Variants in KSR1 observed in about 807,000 individuals in gnomAD.
KSR1 encodes kinase suppressor of ras.
A neutral mutation model predicts 92.9 loss-of-function variants in KSR1; 35 were observed. That is an observed-to-expected ratio of 0.38 (90% CI 0.29 to 0.50). KSR1 has a LOEUF of 0.50. KSR1 is among the 20% of genes least tolerant of loss of function. KSR1 has a pLI of 0.94. For synonymous variants in KSR1, 467 were observed against 472.6 expected (o/e 0.99, Z 0.15); for missense variants, 972 against 1,158.5 (o/e 0.84, Z 2.34).
At chr17:27,615,372 T>A (rs559986923) in intron 18 of KSR1, among the ~76,000 whole-genome samples, 2 of 152,248 alleles carry the variant, frequency 1.3e-5, no homozygotes, top group African/African-American at 4.8e-5. Flanking sequence ...GATTACATTT[T>A]CTTTGTGGGT....
At chr17:27,503,401 A>G (rs2069260220) in intron 1 of KSR1, among the ~76,000 whole-genome samples, 1 of 152,182 alleles carries the variant, frequency 6.6e-6, no homozygotes, top group Admixed American at 6.5e-5. Context: ...TAATAGTGCA[A>G]GGTTGAGATT....
intron 1 of KSR1, chr17:27,527,091 TA>T: frequency 2.4e-6 from 1 of 414,176 alleles, no homozygotes; most frequent in Non-Finnish European, 4.7e-6. Context: ...ATTGATTGCT[TA>T]AGGGCAATAG....
intron 1 of KSR1, among the ~76,000 whole-genome samples, chr17:27,469,678 G>T (rs1485885172): frequency 6.6e-6 from 1 of 152,112 alleles, no homozygotes; most frequent in Non-Finnish European, 1.5e-5. Context: ...GTACTTAGAA[G>T]GAGTTCAGTG....
In KSR1 at chr17:27,577,313, C is replaced by G. The variant is rs2072547720; in HGVS notation, c.373-179C>G. 1 of 568,762 alleles carries G rather than the reference C, an allele frequency of 1.8e-6. No individual in the cohort carries two copies. Among genetic ancestry groups the G allele is most frequent in the Non-Finnish European group, 3.1e-6 (1 of 323,554 alleles). 35.2% of individuals were successfully genotyped at this position (568,762 alleles called of 1,614,324 possible). ...TGCTTCAGCTGCTGTCTCTGGGAGC[C>G]TGGAGGGTGGGGGCCAGGGAGCTCT... On this transcript the variant is annotated intron_variant, in intron 2 of 20. Coordinates refer to ENST00000644974, the MANE Select transcript of KSR1 (RefSeq NM_001394583.1). This position sits in a 1 kb window ranked among gnomAD's most constrained non-coding sequence, Gnocchi z 4.5.
chr17:27,560,660 G>A (rs2071792183), intron 2 of KSR1, among the ~76,000 whole-genome samples: 1 of 152,230 alleles, frequency 6.6e-6, no homozygotes, highest in Non-Finnish European at 1.5e-5. Context: ...GTATGAGGCA[G>A]TAGGATGTGT....
At position 27,597,363 on chromosome 17, in the gene KSR1, A is replaced by G. The variant is rs369264947; in HGVS notation, c.1395A>G (p.Ser465=). Residue 465 remains serine (S), a synonymous_variant, in exon 10 of 21, where the codon TCA becomes TCG. Coordinates refer to ENST00000644974, the MANE Select transcript of KSR1 (RefSeq NM_001394583.1). ...TPSSPAPFPT[S]SNPSSATTPP... Reference sequence around the variant, plus strand: ...CCTCACCGGCGCCCTTCCCGACATCATCCAACCCATCCAGCGCCACCACGC... The same window carrying G: ...CCTCACCGGCGCCCTTCCCGACATCGTCCAACCCATCCAGCGCCACCACGC... 6.2e-7 allele frequency: 1 copy of G among 1,613,688 alleles called. No homozygotes were observed. Among genetic ancestry groups the G allele is most frequent in the South Asian group, 1.1e-5 (1 of 91,050 alleles).
At chr17:27,560,542 G>A in intron 2 of KSR1, 1 of 514,674 alleles carries the variant, frequency 1.9e-6, no homozygotes, top group Admixed American at 2.0e-5. Context: ...TTAAGATGAG[G>A]CCTTCTCCCA....
At chr17:27,593,155 A>G (rs2073224964) in intron 9 of KSR1, among the ~76,000 whole-genome samples, 1 of 152,228 alleles carries the variant, frequency 6.6e-6, no homozygotes, top group Non-Finnish European at 1.5e-5. Flanking sequence ...CAAAGAGTGC[A>G]TTTCCATCCA....
chr17:27,539,687 T>A (rs2070887959), intron 1 of KSR1, among the ~76,000 whole-genome samples: 1 of 152,168 alleles, frequency 6.6e-6, no homozygotes, highest in South Asian at 2.1e-4. Flanking sequence ...AAAGTGGGTG[T>A]CTTTCTTTCT....
intron 2 of KSR1, among the ~76,000 whole-genome samples, chr17:27,561,728 C>A (rs1197548525): frequency 6.6e-6 from 1 of 152,194 alleles, no homozygotes; most frequent in East Asian, 1.9e-4. Flanking sequence ...ATTAATTTTT[C>A]TTATCTTGAG....
chr17:27,514,046 A>G (rs1189369120), intron 1 of KSR1, among the ~76,000 whole-genome samples: 2 of 152,270 alleles, frequency 1.3e-5, no homozygotes, highest in Non-Finnish European at 2.9e-5. Flanking sequence ...ATCAAAGCAG[A>G]AAGGTCCCAT....
chr17:27,568,414 C>T (rs529672740), intron 2 of KSR1, among the ~76,000 whole-genome samples: 2 of 152,394 alleles, frequency 1.3e-5, no homozygotes, highest in South Asian at 4.1e-4. Flanking sequence ...GACTCCAAGG[C>T]TGGTGCCCGA....
At chr17:27,467,859 G>A (rs1327956166) in intron 1 of KSR1, among the ~76,000 whole-genome samples, 1 of 148,680 alleles carries the variant, frequency 6.7e-6, no homozygotes, top group Non-Finnish European at 1.5e-5. Flanking sequence ...CCCCCAGGCT[G>A]TAGTTCCGTG....
intron 1 of KSR1, among the ~76,000 whole-genome samples, chr17:27,522,585 A>T (rs1243795342): frequency 3.3e-5 from 5 of 152,138 alleles, no homozygotes; most frequent in Admixed American, 1.3e-4. Flanking sequence ...TCCAGGGAAA[A>T]GTGGGAGGGC....
At chr17:27,550,736 A>G (rs769830723) in intron 2 of KSR1, 28 bp downstream of exon 2, 4 of 755,228 alleles carry the variant, frequency 5.3e-6, no homozygotes, top group Non-Finnish European at 9.7e-6. Context: ...CAGCATAGGG[A>G]TAGGCATGAG....
intron 5 of KSR1, 167 bp downstream of exon 5, chr17:27,585,828 T>C: frequency 1.5e-6 from 1 of 668,942 alleles, no homozygotes. Flanking sequence ...CTAAGACAGG[T>C]GGCCTTAAAG....
intron 1 of KSR1, among the ~76,000 whole-genome samples, chr17:27,520,820 A>G (rs988269279): frequency 1.3e-5 from 2 of 152,072 alleles, no homozygotes; most frequent in African/African-American, 4.8e-5. Flanking sequence ...CCCCTTACCC[A>G]TTTGTCCCAG....
chr17:27,534,821 T>C (rs2070697920), intron 1 of KSR1, among the ~76,000 whole-genome samples: 2 of 152,352 alleles, frequency 1.3e-5, no homozygotes, highest in Middle Eastern at 6.8e-3. Flanking sequence ...CCAGAGCTGA[T>C]GTCACCTAAA....
intron 2 of KSR1, among the ~76,000 whole-genome samples, chr17:27,554,161 G>C (rs1043483609): frequency 6.6e-5 from 10 of 152,220 alleles, no homozygotes; most frequent in African/African-American, 2.4e-4. Flanking sequence ...ACCCACGTCT[G>C]TCAGAGAATC....
Sources: allele counts gnomAD v4.1 joint callset (sites outside exome capture counted in the v4.1 genomes callset), GRCh38; gene constraint gnomAD v4.1.1; non-coding constraint Gnocchi (gnomAD v3.1); transcripts MANE v1.5; gene names NCBI Gene and HGNC (gene_info 2026-07-23, HGNC 2026-07-21).